The following CSMD3 variants were observed in gnomAD, a reference collection of about 807,000 sequenced individuals.
CSMD3 encodes the protein CUB and sushi domain-containing protein 3.
CSMD3 carries 177 observed loss-of-function variants against 435.2 expected under a neutral mutation model. The ratio of observed to expected loss-of-function variants is 0.41; its 90% CI spans 0.36 to 0.46. CSMD3 has a LOEUF of 0.46. CSMD3 is among the 20% of genes least tolerant of loss of function. The pLI is 0.34. For missense variants in CSMD3, 4,265 were observed against 4,504.6 expected, an observed-to-expected ratio of 0.95 and a Z score of 1.52; for synonymous variants, 1,656 against 1,520.5, an observed-to-expected ratio of 1.09 and a Z score of -2.07.
intron 12 of CSMD3, among the ~76,000 whole-genome samples, chr8:112,802,743 T>G (rs1246284318): frequency 1.3e-5 from 2 of 152,034 alleles, no homozygotes; most frequent in Non-Finnish European, 2.9e-5. Flanking sequence ...ATATTATAAT[T>G]ATAATTATAA....
chr8:112,424,919 C>T lies in CSMD3; in HGVS notation c.5396-15887G>A, dbSNP rs565374551. On this transcript the variant is annotated intron_variant, in intron 32 of 70. Transcript: ENST00000297405. ...GTTGGCCAGGAGGGTCTCTATCTCTCGACCTTGCGGTCTGCCCACCTCAGC... is the reference window on the plus strand; with the variant it reads ...GTTGGCCAGGAGGGTCTCTATCTCTTGACCTTGCGGTCTGCCCACCTCAGC... Among the ~76,000 whole-genome samples the T allele has an allele frequency of 3.3e-5, 5 of 152,150 alleles. No individual in the cohort carries two copies. The South Asian group carries it at 6.2e-4, about 19-fold the overall frequency.
chr8:112,756,609 CAATCAGTTAATAA>C, intron 13 of CSMD3, among the ~76,000 whole-genome samples: 1 of 152,014 alleles, frequency 6.6e-6, no homozygotes, highest in African/African-American at 2.4e-5. Context: ...TCTTAGAAAA[CAATCAGTTAATAA>C]AATCAGTTAA....
intron 11 of CSMD3, among the ~76,000 whole-genome samples, chr8:112,854,776 A>C (rs1049568325): frequency 6.6e-6 from 1 of 152,142 alleles, no homozygotes; most frequent in Non-Finnish European, 1.5e-5. Context: ...AATTTCTGCC[A>C]TTCCATTTTT....
rs572948277 is a variant in CSMD3 at position 112,573,485 on chromosome 8, C to G, written c.4042+16G>C. ...CACCCCAGTGTTTGGCCATTTTACT[C>G]TTCTAAAATACTTACTGGTATACAC... On this transcript the variant is annotated intron_variant, in intron 24 of 70. Coordinates refer to ENST00000297405, the MANE Select transcript of CSMD3 (RefSeq NM_198123.2). 6.2e-7 allele frequency: 1 copy of G among 1,606,886 alleles called. No individual in the cohort carries two copies. The highest frequency in any genetic ancestry group is 8.5e-7 in the Non-Finnish European group (1 of 1,173,630).
rs1476855432 is a variant in CSMD3, at chr8:113,146,866, A to C, written c.709+26856T>G. ...AAATACTGAGGTATAAGGAATAAAA[A>C]GTGTTCCTTGCTAGTTGATAAAAAT... On this transcript the variant is annotated intron_variant, in intron 4 of 70. Coordinates refer to ENST00000297405, the MANE Select transcript of CSMD3 (RefSeq NM_198123.2). Among the ~76,000 whole-genome samples the C allele has an allele frequency of 2.0e-5, 3 of 151,714 alleles. No individual in the cohort carries two copies. The Admixed American group carries it at 2.0e-4, about 10-fold the overall frequency.
At chr8:112,600,407 C>T (rs1294273072) in intron 22 of CSMD3, among the ~76,000 whole-genome samples, 1 of 152,050 alleles carries the variant, frequency 6.6e-6, no homozygotes, top group African/African-American at 2.4e-5. Flanking sequence ...AACGACAAGA[C>T]CTTTAGAGAG....
chr8:113,302,286 T>TA (rs1563672533), intron 2 of CSMD3, among the ~76,000 whole-genome samples: 1 of 7,940 alleles, frequency 1.3e-4, no homozygotes, highest in East Asian at 0.026. Context: ...AATTATAATA[T>TA]ATAATATAAT....
chr8:112,940,490 A>C (rs938910290), intron 9 of CSMD3, among the ~76,000 whole-genome samples: 9 of 151,858 alleles, frequency 5.9e-5, no homozygotes, highest in Non-Finnish European at 1.2e-4. Flanking sequence ...GAGCTTTCCC[A>C]AAAAGTTGGT....
intron 4 of CSMD3, among the ~76,000 whole-genome samples, chr8:113,115,340 C>A (rs2090789399): frequency 1.3e-5 from 2 of 152,150 alleles, no homozygotes; most frequent in Non-Finnish European, 1.5e-5. Flanking sequence ...CTGAAAACTT[C>A]TAAGTGAATA....
At chr8:113,274,564 A>T (rs1171717190) in intron 3 of CSMD3, among the ~76,000 whole-genome samples, 1 of 152,060 alleles carries the variant, frequency 6.6e-6, no homozygotes, top group Non-Finnish European at 1.5e-5. Context: ...ACAGATACCT[A>T]TTGGTCTTTC....
intron 5 of CSMD3, among the ~76,000 whole-genome samples, chr8:113,038,421 A>G (rs1296919041): frequency 6.6e-6 from 1 of 152,324 alleles, no homozygotes. Flanking sequence ...ATTAATGAAT[A>G]AAACAGATAC....
At chr8:112,517,535 G>A (rs1226944709) in intron 27 of CSMD3, among the ~76,000 whole-genome samples, 3 of 151,980 alleles carry the variant, frequency 2.0e-5, no homozygotes, top group Admixed American at 6.6e-5. Context: ...CAGAGGACTT[G>A]TAGCTAGAAT....
chr8:113,271,114 G>C (rs1273407223), intron 3 of CSMD3, among the ~76,000 whole-genome samples: 1 of 152,016 alleles, frequency 6.6e-6, no homozygotes, highest in Non-Finnish European at 1.5e-5. Context: ...AGGTGGCTTG[G>C]GTGCTGTTAA....
chr8:112,331,977 G>T (rs547288475), intron 45 of CSMD3, among the ~76,000 whole-genome samples: 7 of 152,088 alleles, frequency 4.6e-5, no homozygotes, highest in African/African-American at 1.7e-4. Context: ...TTGTTAAGGA[G>T]GATGTAATTT....
chr8:112,302,432 G>A (rs749597318), intron 52 of CSMD3, among the ~76,000 whole-genome samples: 12 of 151,816 alleles, frequency 7.9e-5, no homozygotes, highest in South Asian at 2.1e-4. Flanking sequence ...GAACTCTATC[G>A]TTTGAGTTTT....
At chr8:113,013,182 A>T (rs1450509336) in intron 6 of CSMD3, among the ~76,000 whole-genome samples, 1 of 152,094 alleles carries the variant, frequency 6.6e-6, no homozygotes, top group Admixed American at 6.6e-5. Context: ...TTTTACTTAC[A>T]AACTAGCCTA....
At chr8:112,961,630 CTG>C (rs1049778762) in intron 7 of CSMD3, among the ~76,000 whole-genome samples, 2 of 151,842 alleles carry the variant, frequency 1.3e-5, no homozygotes, top group Admixed American at 6.6e-5. Context: ...AGAGGAGACA[CTG>C]TGTTTTAATA....
intron 27 of CSMD3, among the ~76,000 whole-genome samples, chr8:112,547,966 C>T (rs1412385660): frequency 6.6e-6 from 1 of 152,052 alleles, no homozygotes; most frequent in Non-Finnish European, 1.5e-5. Context: ...ATAGATTTAT[C>T]TAGGGAAGAA....
chr8:113,363,642 C>T (rs565421169), intron 1 of CSMD3, among the ~76,000 whole-genome samples: 1 of 152,222 alleles, frequency 6.6e-6, no homozygotes, highest in South Asian at 2.1e-4. Context: ...ATCACCTTCT[C>T]CTCTTGTGTG....
Sources: gnomAD v4.1 joint callset for allele counts (sites outside exome capture counted in the v4.1 genomes callset) on GRCh38, gnomAD v4.1.1 for gene constraint, MANE v1.5 for transcripts, NCBI Gene and HGNC (gene_info 2026-07-23, HGNC 2026-07-21) for gene names.